CNTNAP5: variants seen among roughly 807,000 people sequenced by gnomAD.
CNTNAP5 encodes the protein contactin associated protein family member 5, also known as contactin-associated protein-like 5.
In CNTNAP5, 72 loss-of-function variants were observed where a neutral mutation model predicts 150.2. The observed-to-expected ratio is 0.48, with a 90% CI of 0.40 to 0.58. CNTNAP5 has a LOEUF of 0.58. CNTNAP5 is among the 20% of genes least tolerant of loss of function. CNTNAP5 has a pLI of 0.00. For synonymous variants in CNTNAP5, 672 were observed against 619.8 expected, an observed-to-expected ratio of 1.08 and a Z score of -1.25; for missense variants, 1,636 against 1,626.2, an observed-to-expected ratio of 1.01 and a Z score of -0.10.
At chr2:124,851,329 C>A (rs1012900155) in intron 19 of CNTNAP5, among the ~76,000 whole-genome samples, 6 of 152,140 alleles carry the variant, frequency 3.9e-5, no homozygotes, top group Admixed American at 2.6e-4. Context: ...GCACTCCAGC[C>A]TGGGCAACAA....
intron 9 of CNTNAP5, 105 bp from the exon 10 acceptor site, chr2:124,527,180 G>T: frequency 2.2e-6 from 2 of 913,266 alleles, no homozygotes; most frequent in Non-Finnish European, 3.3e-6. Flanking sequence ...CTGTGAATGA[G>T]AAAGCACCAA....
chr2:124,588,080 CTCTT>C (rs778132246), intron 11 of CNTNAP5, among the ~76,000 whole-genome samples: 13 of 130,888 alleles, frequency 9.9e-5, no homozygotes, highest in South Asian at 2.3e-4. Flanking sequence ...CCTTCCCTTT[CTCTT>C]TCTTTCTTTC....
At chr2:124,766,907 A>G (rs1681080964) in intron 16 of CNTNAP5, among the ~76,000 whole-genome samples, 1 of 152,190 alleles carries the variant, frequency 6.6e-6, no homozygotes, top group African/African-American at 2.4e-5. Flanking sequence ...ACCAGATTGG[A>G]GAACATATAC....
intron 6 of CNTNAP5, among the ~76,000 whole-genome samples, chr2:124,466,080 C>T (rs1464575929): frequency 1.3e-5 from 2 of 152,146 alleles, no homozygotes; most frequent in African/African-American, 4.8e-5. Flanking sequence ...GCTTCCACCA[C>T]CTCTCACCTG....
intron 18 of CNTNAP5, among the ~76,000 whole-genome samples, chr2:124,795,148 CGT>C (rs893039322): frequency 1.3e-5 from 2 of 152,186 alleles, no homozygotes; most frequent in African/African-American, 4.8e-5. Context: ...TGTGCTTTTA[CGT>C]ACTTTCTTCC....
intron 3 of CNTNAP5, among the ~76,000 whole-genome samples, chr2:124,302,709 CT>C (rs1258658385): frequency 5.9e-5 from 9 of 152,164 alleles, no homozygotes; most frequent in African/African-American, 2.2e-4. Flanking sequence ...AACATGTGAA[CT>C]TTGGGAGATA....
At chr2:124,863,843 G>A (rs1485123086) in intron 19 of CNTNAP5, among the ~76,000 whole-genome samples, 1 of 152,100 alleles carries the variant, frequency 6.6e-6, no homozygotes, top group Non-Finnish European at 1.5e-5. Context: ...ACTTTGAGGG[G>A]ATGAGAAAGA....
At chr2:124,493,916 T>C (rs973673026) in intron 7 of CNTNAP5, among the ~76,000 whole-genome samples, 23 of 151,234 alleles carry the variant, frequency 1.5e-4, no homozygotes, top group African/African-American at 5.6e-4. Flanking sequence ...GAAAGTTGTT[T>C]TGTTTGTGGG....
At chr2:124,037,693 A>G (rs951032) in intron 1 of CNTNAP5, among the ~76,000 whole-genome samples, 47,575 of 151,944 alleles carry the variant, frequency 0.31, 7,779 homozygotes, top group Admixed American at 0.38. Flanking sequence ...GTGGGGAGGG[A>G]TGGGAGATGT....
At chr2:124,110,305 A>C (rs1261992797) in intron 1 of CNTNAP5, among the ~76,000 whole-genome samples, 1 of 152,282 alleles carries the variant, frequency 6.6e-6, no homozygotes, top group East Asian at 1.9e-4. Context: ...TAAGCAAAAC[A>C]CTGACTGTAG....
chr2:124,550,912 G>A (rs1233591407), intron 10 of CNTNAP5, among the ~76,000 whole-genome samples: 1 of 152,082 alleles, frequency 6.6e-6, no homozygotes, highest in African/African-American at 2.4e-5. Flanking sequence ...CATAGGCTCA[G>A]GTGGTTTGTC....
chr2:124,747,081 G>T (rs903012845), intron 13 of CNTNAP5, 148 bp from the exon 14 acceptor site: 14 of 613,922 alleles, frequency 2.3e-5, no homozygotes, highest in South Asian at 3.3e-5. Flanking sequence ...AGGGAAGGGG[G>T]GATGTGAGGG....
rs139833232 is a variant in CNTNAP5, at chr2:124,673,759, A to G, written c.2077+25801A>G. Among the ~76,000 whole-genome samples, 71 of 141,032 alleles carry G rather than the reference A, an allele frequency of 5.0e-4. 2 individuals are homozygous for G. Among genetic ancestry groups the G allele is most frequent in the Admixed American group, 2.7e-3 (40 of 14,554 alleles). The allele number at this position is 141,032 out of a possible 152,430, so 92.5% of individuals were successfully genotyped here. A position where few individuals can be genotyped will look rare whatever the true frequency, so the allele number is the denominator to read the frequency against. On this transcript the variant is annotated intron_variant, in intron 13 of 23. Transcript: ENST00000682447. The stretch of plus-strand genomic sequence containing the variant: ...ATAAGTAATTTCTGCAGAGTCCTAC[A>G]GCATTAAAAAAAAAAAAAGAGATCC...
intron 19 of CNTNAP5, among the ~76,000 whole-genome samples, chr2:124,813,371 C>G (rs189962987): frequency 6.8e-6 from 1 of 148,102 alleles, no homozygotes; most frequent in Admixed American, 6.8e-5. Flanking sequence ...GCCACCGTGC[C>G]TGGCCTGTTT....
chr2:124,191,841 G>A (rs1366091189), intron 1 of CNTNAP5, among the ~76,000 whole-genome samples: 1 of 151,988 alleles, frequency 6.6e-6, no homozygotes, highest in Non-Finnish European at 1.5e-5. Flanking sequence ...CTTTAACCCT[G>A]GAGGCAGAGA....
chr2:124,909,175 G>T (rs754259462), intron 22 of CNTNAP5, among the ~76,000 whole-genome samples: 1 of 152,080 alleles, frequency 6.6e-6, no homozygotes, highest in Non-Finnish European at 1.5e-5. Flanking sequence ...AGTCCTGCAG[G>T]CTCCATTCAT....
Position 124,211,122 on chromosome 2 carries a change from C to G in CNTNAP5, c.83-10583C>G, listed in dbSNP as rs1035145404. ...GAGCATAAGTAATGCATAAACAACACAGCTCTTGGTACAGAATTATCCTAC... is the reference window on the plus strand; with the variant it reads ...GAGCATAAGTAATGCATAAACAACAGAGCTCTTGGTACAGAATTATCCTAC... On this transcript the variant is annotated intron_variant, in intron 1 of 23. Transcript: ENST00000682447. Among the ~76,000 whole-genome samples, 4 of 152,126 alleles carry G rather than the reference C, an allele frequency of 2.6e-5. No homozygotes were observed. In the South Asian group the frequency reaches 8.3e-4, roughly 32 times the overall value.
intron 1 of CNTNAP5, among the ~76,000 whole-genome samples, chr2:124,170,520 T>C (rs1391462956): frequency 6.6e-6 from 1 of 152,108 alleles, no homozygotes; most frequent in Non-Finnish European, 1.5e-5. Flanking sequence ...CCTCTGCCAT[T>C]CTATGAAAGG....
chr2:124,330,886 C>T (rs1435389619), intron 3 of CNTNAP5, among the ~76,000 whole-genome samples: 2 of 152,038 alleles, frequency 1.3e-5, no homozygotes, highest in Non-Finnish European at 2.9e-5. Flanking sequence ...TAAAAAGAAT[C>T]AGCAACGTTT....
Sources: gnomAD v4.1 joint callset for allele counts (sites outside exome capture counted in the v4.1 genomes callset) on GRCh38, gnomAD v4.1.1 for gene constraint, MANE v1.5 for transcripts, NCBI Gene and HGNC (gene_info 2026-07-23, HGNC 2026-07-21) for gene names.